TMPRSS11E: variants seen among roughly 807,000 people sequenced by gnomAD.
TMPRSS11E encodes the protein transmembrane protease serine 11E.
Under a neutral mutation model 48.1 loss-of-function variants are expected in TMPRSS11E, and 38 were observed. The ratio of observed to expected loss-of-function variants is 0.79; its 90% CI spans 0.61 to 1.04. TMPRSS11E has a LOEUF of 1.04. TMPRSS11E is among the 50% of genes least tolerant of loss of function. TMPRSS11E has a pLI of 0.00. For synonymous variants in TMPRSS11E, 158 were observed against 171.9 expected (o/e 0.92, Z 0.63); for missense variants, 530 against 510.8 (o/e 1.04, Z -0.36).
At chr4:68,452,428 T>C (rs752734738) in intron 1 of TMPRSS11E, among the ~76,000 whole-genome samples, 6 of 152,000 alleles carry the variant, frequency 3.9e-5, no homozygotes, top group Non-Finnish European at 8.8e-5. Context: ...AATTTCAACA[T>C]ATGTTTTCTC....
At chr4:68,459,151 ATAT>A (rs1344109038) in intron 1 of TMPRSS11E, among the ~76,000 whole-genome samples, 2 of 152,116 alleles carry the variant, frequency 1.3e-5, no homozygotes, top group Admixed American at 1.3e-4. Flanking sequence ...CCTTTGTCCC[ATAT>A]TATCCCTTTT....
At chr4:68,493,175 T>C (rs1729776637) in intron 9 of TMPRSS11E, among the ~76,000 whole-genome samples, 1 of 152,136 alleles carries the variant, frequency 6.6e-6, no homozygotes, top group African/African-American at 2.4e-5. Flanking sequence ...TGAACTTTCA[T>C]GTACTCATCA....
intron 4 of TMPRSS11E, among the ~76,000 whole-genome samples, chr4:68,469,514 C>T (rs1729008179): frequency 6.6e-6 from 1 of 151,840 alleles, no homozygotes; most frequent in Non-Finnish European, 1.5e-5. Flanking sequence ...AGAATTATTT[C>T]CAATATTATT....
At chr4:68,487,144 G>A (rs2109714640) in intron 9 of TMPRSS11E, among the ~76,000 whole-genome samples, 1 of 152,266 alleles carries the variant, frequency 6.6e-6, no homozygotes, top group Admixed American at 6.5e-5. Context: ...ATTGATATGT[G>A]AAGATTTGAT....
chr4:68,489,079 T>A (rs536405896), intron 9 of TMPRSS11E, among the ~76,000 whole-genome samples: 110 of 152,324 alleles, frequency 7.2e-4, no homozygotes, highest in Non-Finnish European at 1.3e-3. Context: ...AGTTCTTGCA[T>A]TGGTTCTTTC....
rs549862606 is a variant in TMPRSS11E, at chr4:68,450,557, C to T, written c.11+3034C>T. Among the ~76,000 whole-genome samples, 5 of 151,818 alleles carry T rather than the reference C, an allele frequency of 3.3e-5. No individual in the cohort carries two copies. The South Asian group carries it at 8.3e-4, about 25-fold the overall frequency. On this transcript the variant is annotated intron_variant, in intron 1 of 9. Transcript: ENST00000305363. ...TGGCAACAGAGAAATAGAAAATAAA[C>T]GCACACATATCCACACATGGAGAAA...
At chr4:68,488,701 G>C (rs2109717289) in intron 9 of TMPRSS11E, among the ~76,000 whole-genome samples, 1 of 137,874 alleles carries the variant, frequency 7.3e-6, no homozygotes, top group Non-Finnish European at 1.6e-5. Flanking sequence ...ACCATGCCCG[G>C]CTAATTTTTT....
At chr4:68,496,284 T>TG (rs1405617544) in intron 9 of TMPRSS11E, among the ~76,000 whole-genome samples, 1 of 152,058 alleles carries the variant, frequency 6.6e-6, no homozygotes, top group Non-Finnish European at 1.5e-5. Context: ...CTCCCTTTTT[T>TG]GGGGGGTTAT....
chr4:68,461,967 A>G, intron 2 of TMPRSS11E, 22 bp downstream of exon 2: 1 of 1,613,474 alleles, frequency 6.2e-7, no homozygotes, highest in Non-Finnish European at 8.5e-7. Flanking sequence ...CTGCCTTGGC[A>G]TCATGTGATT....
intron 9 of TMPRSS11E, among the ~76,000 whole-genome samples, chr4:68,480,512 A>G (rs1428143011): frequency 6.6e-6 from 1 of 151,776 alleles, no homozygotes; most frequent in Non-Finnish European, 1.5e-5. Flanking sequence ...CTTTGTTGAC[A>G]CTTCCTATTT....
At chr4:68,481,324 A>G (rs1399166729) in intron 9 of TMPRSS11E, among the ~76,000 whole-genome samples, 1 of 152,156 alleles carries the variant, frequency 6.6e-6, no homozygotes, top group Non-Finnish European at 1.5e-5. Flanking sequence ...ATACCCAGTA[A>G]TGGGATTGCT....
intron 5 of TMPRSS11E, among the ~76,000 whole-genome samples, chr4:68,473,561 A>C (rs1388401033): frequency 6.6e-6 from 1 of 152,162 alleles, no homozygotes; most frequent in Non-Finnish European, 1.5e-5. Flanking sequence ...TGCCAACACT[A>C]TAATCCATTA....
Position 68,496,805 on chromosome 4 carries a change from G to C in TMPRSS11E, c.*1G>C. 1 of 1,609,018 alleles carries C rather than the reference G, an allele frequency of 6.2e-7. No individual in the cohort carries two copies. Among genetic ancestry groups the C allele is most frequent in the Non-Finnish European group, 8.5e-7 (1 of 1,178,222 alleles). ...GATTACTTCAAAAACTGGTATCTAA[G>C]AGAGAAAAGCCTCATGGAACAGATA... On this transcript the variant is annotated 3_prime_UTR_variant, in exon 10 of 10. Coordinates refer to ENST00000305363, the MANE Select transcript of TMPRSS11E (RefSeq NM_014058.4).
At chr4:68,476,194 A>C (rs1041279202) in intron 6 of TMPRSS11E, 67 bp from the exon 7 acceptor site, 3 of 1,602,526 alleles carry the variant, frequency 1.9e-6, no homozygotes, top group Non-Finnish European at 2.6e-6. Context: ...ATAGTAACAC[A>C]ATTTGATGTG....
intron 6 of TMPRSS11E, 47 bp downstream of exon 6, chr4:68,474,808 G>T (rs764688084): frequency 6.7e-7 from 1 of 1,501,640 alleles, no homozygotes; most frequent in African/African-American, 1.4e-5. Context: ...AAGGTAAAAA[G>T]CTAACACTAT....
In TMPRSS11E at chr4:68,466,686, A is replaced by C. The variant is rs1045210480; in HGVS notation, c.192A>C (p.Leu64=). ...CATTGTCATTTACAACTGACAAACT[A>C]TATGCTGAGTTTGGCAGAGAGGCTT... The part of the protein sequence containing the change: ...YSTLSFTTDK[L]YAEFGREASN... Residue 64 remains leucine, a synonymous_variant, in exon 3 of 10, where the codon CTA becomes CTC. Coordinates refer to ENST00000305363, the MANE Select transcript of TMPRSS11E (RefSeq NM_014058.4). 1.1e-5 allele frequency: 17 copies of C among 1,613,356 alleles called. No homozygotes were observed. The highest frequency in any genetic ancestry group is 2.5e-6 in the Non-Finnish European group (3 of 1,179,472).
At chr4:68,465,800 C>G (rs1208294432) in intron 2 of TMPRSS11E, among the ~76,000 whole-genome samples, 1 of 152,158 alleles carries the variant, frequency 6.6e-6, no homozygotes. Flanking sequence ...ATGGTTGACA[C>G]AGTGTCTCTT....
At chr4:68,456,874 AC>A (rs1276640499) in intron 1 of TMPRSS11E, among the ~76,000 whole-genome samples, 1 of 152,172 alleles carries the variant, frequency 6.6e-6, no homozygotes, top group East Asian at 1.9e-4. Context: ...CTGAAAGTGG[AC>A]CTCTTCCTTA....
chr4:68,487,287 T>C (rs1271425137), intron 9 of TMPRSS11E, among the ~76,000 whole-genome samples: 2 of 151,962 alleles, frequency 1.3e-5, no homozygotes, highest in East Asian at 3.9e-4. Context: ...CGTTTTGCTC[T>C]TGTTGCTCAG....
Sources: allele counts gnomAD v4.1 joint callset (sites outside exome capture counted in the v4.1 genomes callset), GRCh38; gene constraint gnomAD v4.1.1; transcripts MANE v1.5; gene names NCBI Gene and HGNC (gene_info 2026-07-23, HGNC 2026-07-21).